The following MAPK10 variants were observed in gnomAD, a reference collection of about 807,000 sequenced individuals.
The protein encoded by MAPK10 is mitogen-activated protein kinase 10.
Under a neutral mutation model 59.3 loss-of-function variants are expected in MAPK10, and 25 were observed. The observed-to-expected ratio is 0.42, with a 90% confidence interval of 0.31 to 0.59. The LOEUF (loss-of-function observed/expected upper bound fraction) is 0.59. Ranked by LOEUF, MAPK10 falls within the 20% of genes least tolerant of loss-of-function variation. The pLI is 0.15. For synonymous variants in MAPK10, 190 were observed against 200.5 expected (o/e 0.95, Z 0.44); for missense variants, 351 against 568.9 (o/e 0.62, Z 3.90).
chr4:86,013,173 T>A lies in MAPK10; in HGVS notation c.*4055A>T, dbSNP rs1055890309. ...AGCCATTTTCAGATAGTTAAAGGAC[T>A]AAGTACCAAAAGAAATAACAAAATC... is the stretch of plus-strand genomic sequence containing the variant. On this transcript the variant is annotated 3_prime_UTR_variant, in exon 14 of 14. Transcript: ENST00000641462. 1.3e-5 allele frequency: 2 copies of A among 152,182 alleles called. No individual in the cohort carries two copies. Among genetic ancestry groups the A allele is most frequent in the Non-Finnish European group, 2.9e-5 (2 of 68,014 alleles). 9.4% of individuals were successfully genotyped at this position (152,182 alleles called of 1,614,324 possible).
At chr4:86,402,192 G>A (rs1743819577) in intron 1 of MAPK10, among the ~76,000 whole-genome samples, 1 of 151,884 alleles carries the variant, frequency 6.6e-6, no homozygotes. Flanking sequence ...ACTTCACTGG[G>A]AAAATATGCT....
chr4:86,255,472 C>T (rs2093665805), intron 2 of MAPK10, among the ~76,000 whole-genome samples: 1 of 152,150 alleles, frequency 6.6e-6, no homozygotes, highest in Admixed American at 6.5e-5. Flanking sequence ...GCATTCCTCT[C>T]TGAAGGCATA....
intron 9 of MAPK10, chr4:86,079,643 C>G (rs2050222838): frequency 6.6e-6 from 1 of 152,076 alleles, no homozygotes; most frequent in Non-Finnish European, 1.5e-5. Flanking sequence ...AAGTCCTTTT[C>G]AATTTGGTAA....
At chr4:86,416,050 A>G (rs1477962341) in intron 1 of MAPK10, among the ~76,000 whole-genome samples, 1 of 152,236 alleles carries the variant, frequency 6.6e-6, no homozygotes, top group Non-Finnish European at 1.5e-5. Context: ...CCCAAAATGC[A>G]TACGTTGAAG....
chr4:86,295,966 A>T (rs2095352059), intron 2 of MAPK10, among the ~76,000 whole-genome samples: 1 of 151,240 alleles, frequency 6.6e-6, no homozygotes, highest in Non-Finnish European at 1.5e-5. Context: ...ACCTGAGGTC[A>T]GGAGTTTGAG....
intron 3 of MAPK10, among the ~76,000 whole-genome samples, chr4:86,176,393 C>A (rs2075691844): frequency 6.6e-6 from 1 of 152,052 alleles, no homozygotes; most frequent in Non-Finnish European, 1.5e-5. Flanking sequence ...TGCATTTAAT[C>A]TGATTAATAC....
At chr4:86,137,917 A>G (rs2062628425) in intron 4 of MAPK10, among the ~76,000 whole-genome samples, 1 of 146,868 alleles carries the variant, frequency 6.8e-6, no homozygotes, top group African/African-American at 2.5e-5. Context: ...CTCTACGCAA[A>G]TAAACTAGAA....
chr4:86,109,171 T>C (rs1160522228), intron 4 of MAPK10, among the ~76,000 whole-genome samples: 5 of 152,236 alleles, frequency 3.3e-5, no homozygotes, highest in African/African-American at 9.6e-5. Context: ...CAGCTAAGTC[T>C]GTCCTGGAAC....
At chr4:86,580,148 T>C (rs1367140289) in intron 1 of MAPK10, among the ~76,000 whole-genome samples, 1 of 152,050 alleles carries the variant, frequency 6.6e-6, no homozygotes, top group Non-Finnish European at 1.5e-5. Flanking sequence ...AAAGAAAAAG[T>C]GTACTTTAGC....
rs1416981784 is a variant in MAPK10 at position 86,107,348 on chromosome 4, C to T, written c.241G>A (p.Ala81Thr). 18 of 1,612,160 alleles carry T rather than the reference C, an allele frequency of 1.1e-5. No homozygotes were observed. The highest frequency in any genetic ancestry group is 3.3e-5 in the South Asian group (3 of 90,912). The change falls in exon 5 of 14, where the codon GCG becomes ACG. Residue 81 changes from alanine to threonine, a missense_variant. Transcript: ENST00000641462. ...TTTCTGTCAAGGACAGCATCATACG[C>T]GGCACTGTAGAGATCCAAGAGCAAC... The part of the protein sequence containing the change: ...GSGAQGIVCA[A>T]YDAVLDRNVA...
chr4:86,077,194 A>C (rs1357941366), intron 9 of MAPK10, among the ~76,000 whole-genome samples: 1 of 152,160 alleles, frequency 6.6e-6, no homozygotes, highest in South Asian at 2.1e-4. Context: ...AATAAATAGT[A>C]TTATAATAGA....
intron 1 of MAPK10, among the ~76,000 whole-genome samples, chr4:86,493,999 T>C (rs1754677609): frequency 6.6e-6 from 1 of 152,192 alleles, no homozygotes; most frequent in Admixed American, 6.5e-5. Flanking sequence ...GTTTTCCCTA[T>C]GCTCCTATAC....
intron 2 of MAPK10, among the ~76,000 whole-genome samples, chr4:86,319,822 C>G (rs1427677896): frequency 1.3e-5 from 2 of 152,206 alleles, no homozygotes; most frequent in East Asian, 3.8e-4. Context: ...TAAAGACAAC[C>G]CTGGGATACC....
chr4:86,212,585 C>T (rs1184023458), intron 2 of MAPK10, among the ~76,000 whole-genome samples: 1 of 152,024 alleles, frequency 6.6e-6, no homozygotes, highest in Admixed American at 6.6e-5. Flanking sequence ...GATGGTTATA[C>T]TAACATCAGA....
At chr4:86,282,275 T>G (rs181818207) in intron 2 of MAPK10, among the ~76,000 whole-genome samples, 1 of 152,206 alleles carries the variant, frequency 6.6e-6, no homozygotes, top group Non-Finnish European at 1.5e-5. Flanking sequence ...GTGAATTTAA[T>G]GTGTAATGGA....
chr4:86,462,174 C>T (rs1751806026), intron 1 of MAPK10, among the ~76,000 whole-genome samples: 1 of 152,166 alleles, frequency 6.6e-6, no homozygotes, highest in South Asian at 2.1e-4. Flanking sequence ...CAAAAGGTCC[C>T]AACAGGAGTC....
At chr4:86,123,745 T>C (rs1397635671) in intron 4 of MAPK10, 1 of 152,106 alleles carries the variant, frequency 6.6e-6, no homozygotes, top group Non-Finnish European at 1.5e-5. Flanking sequence ...TACTTACTTT[T>C]AGGTCATGTC....
intron 4 of MAPK10, among the ~76,000 whole-genome samples, chr4:86,122,187 G>C (rs1182042319): frequency 6.6e-6 from 1 of 152,176 alleles, no homozygotes; most frequent in Non-Finnish European, 1.5e-5. Context: ...TGTTTGCAGA[G>C]AGGAATGAGC....
At chr4:86,139,860 A>G (rs1260938019) in intron 4 of MAPK10, among the ~76,000 whole-genome samples, 1 of 149,158 alleles carries the variant, frequency 6.7e-6, no homozygotes, top group African/African-American at 2.5e-5. Context: ...ACCCCATCAA[A>G]AAGTGGGCGA....
Sources: gnomAD v4.1 joint callset for allele counts (sites outside exome capture counted in the v4.1 genomes callset) on GRCh38, gnomAD v4.1.1 for gene constraint, MANE v1.5 for transcripts, NCBI Gene and HGNC (gene_info 2026-07-23, HGNC 2026-07-21) for gene names.